The following PPP1R21 variants were observed in gnomAD, a reference collection of about 807,000 sequenced individuals.
The protein encoded by PPP1R21 is protein phosphatase 1 regulatory subunit 21, also known as KLRAQ motif containing 1.
PPP1R21 carries 85 observed loss-of-function variants against 112.8 expected under a neutral mutation model. The observed-to-expected ratio is 0.75, with a 90% confidence interval of 0.63 to 0.90. The LOEUF (loss-of-function observed/expected upper bound fraction) is 0.90. Among genes scored for constraint, PPP1R21 ranks in the 40% least tolerant of loss-of-function variants. The probability of loss-of-function intolerance (pLI) is 0.00; values close to 1 mark genes in which losing one functional copy is unlikely to be tolerated. For synonymous variants in PPP1R21, 381 were observed against 322.3 expected (o/e 1.18, Z -1.95); for missense variants, 1,199 against 901.5 (o/e 1.33, Z -4.23).
intron 3 of PPP1R21, among the ~76,000 whole-genome samples, chr2:48,455,467 G>A (rs932728319): frequency 2.0e-5 from 3 of 151,872 alleles, no homozygotes; most frequent in Non-Finnish European, 2.9e-5. Flanking sequence ...TTAATGTTCC[G>A]TTGTTACACC....
chr2:48,464,574 T>G (rs1668117432), intron 7 of PPP1R21, among the ~76,000 whole-genome samples: 1 of 152,210 alleles, frequency 6.6e-6, no homozygotes, highest in African/African-American at 2.4e-5. Flanking sequence ...TTTTGCTGAT[T>G]AGCGTGGCGG....
rs1000479169 is a variant in PPP1R21, at chr2:48,440,779, C to G, written c.-175C>G. 8.1e-6 allele frequency: 5 copies of G among 615,746 alleles called. No homozygotes were observed. Among genetic ancestry groups the G allele is most frequent in the Non-Finnish European group, 1.2e-5 (4 of 347,174 alleles). 38.1% of individuals were successfully genotyped at this position (615,746 alleles called of 1,614,324 possible). On this transcript the variant is annotated 5_prime_UTR_variant, in exon 1 of 22. Transcript: ENST00000294952. ...GCCCCCGGCCCCACTCCACCTTCCT[C>G]CCACCCCGGGAACCCGGAAGTGGAG... is the stretch of plus-strand genomic sequence containing the variant.
intron 9 of PPP1R21, among the ~76,000 whole-genome samples, chr2:48,465,894 GAA>G (rs1668178943): frequency 6.6e-6 from 1 of 152,196 alleles, no homozygotes; most frequent in Non-Finnish European, 1.5e-5. Flanking sequence ...ATTTACAAAA[GAA>G]AGAGGTTTAT....
chr2:48,489,539 C>A (rs1033920585), intron 14 of PPP1R21, among the ~76,000 whole-genome samples: 1 of 151,270 alleles, frequency 6.6e-6, no homozygotes, highest in East Asian at 2.0e-4. Flanking sequence ...TGAGGTCTTG[C>A]CATATCGCCC....
In PPP1R21 at chr2:48,486,713, C is replaced by T. The variant is rs777016569; in HGVS notation, c.1401C>T (p.Asp467=). The T allele has an allele frequency of 2.5e-6, 4 of 1,613,930 alleles. No individual in the cohort carries two copies. Among genetic ancestry groups the T allele is most frequent in the Non-Finnish European group, 2.5e-6 (3 of 1,179,896 alleles). The part of the protein sequence containing the change: ...TATQKLITTN[D]CILSSVVALT... ...CACAGAAGCTGATAACAACTAATGA[C>T]TGTATCCTGTCATCAGTAGTGGCAT... is the stretch of plus-strand genomic sequence containing the variant. Residue 467 remains aspartate, a synonymous_variant, in exon 14 of 22, where the codon GAC becomes GAT. Coordinates refer to ENST00000294952, the MANE Select transcript of PPP1R21 (RefSeq NM_001135629.3).
chr2:48,446,140 G>A (rs1667235103), intron 1 of PPP1R21, among the ~76,000 whole-genome samples: 1 of 152,230 alleles, frequency 6.6e-6, no homozygotes, highest in Non-Finnish European at 1.5e-5. Flanking sequence ...CCATGTAAAA[G>A]TGGTTCTAAC....
chr2:48,445,206 G>A (rs959636377), intron 1 of PPP1R21, among the ~76,000 whole-genome samples: 1 of 146,316 alleles, frequency 6.8e-6, no homozygotes, highest in Non-Finnish European at 1.5e-5. Context: ...TTGGAAAACA[G>A]GTTTGTGTTC....
chr2:48,486,508 AC>A (rs1259233370), intron 13 of PPP1R21, 122 bp from the exon 14 acceptor site: 4 of 712,806 alleles, frequency 5.6e-6, no homozygotes, highest in Non-Finnish European at 7.0e-6. Flanking sequence ...GACACTTGAG[AC>A]CATTCTTTGT....
chr2:48,471,470 CT>C (rs1668493572), intron 11 of PPP1R21, 103 bp downstream of exon 11: 1 of 1,144,848 alleles, frequency 8.7e-7, no homozygotes, highest in Non-Finnish European at 1.2e-6. Flanking sequence ...ATCTGCCTGA[CT>C]TTTCTGCTTC....
At chr2:48,514,568 T>C in intron 21 of PPP1R21, 147 bp from the exon 22 acceptor site, 2 of 687,306 alleles carry the variant, frequency 2.9e-6, no homozygotes, top group Non-Finnish European at 5.2e-6. Flanking sequence ...GAATAAAAGT[T>C]AACAATGCAA....
In PPP1R21 at chr2:48,514,831, T is replaced by C; in HGVS notation, c.*87T>C. On this transcript the variant is annotated 3_prime_UTR_variant, in exon 22 of 22. Transcript: ENST00000294952. ...GGGCTGAGACCACGTCCATGCTGGCTGCCTTCAGGAAGCTAAAGTATTGTT... is the reference window on the plus strand; with the variant it reads ...GGGCTGAGACCACGTCCATGCTGGCCGCCTTCAGGAAGCTAAAGTATTGTT... The C allele has an allele frequency of 1.6e-5, 22 of 1,377,660 alleles. 1 individual carries two copies. The South Asian group carries it at 2.4e-4, about 15-fold the overall frequency. 85.3% of individuals were successfully genotyped at this position (1,377,660 alleles called of 1,614,324 possible). A position where few individuals can be genotyped will look rare whatever the true frequency, so the allele number is the denominator to read the frequency against.
In PPP1R21 at chr2:48,514,835, T is replaced by C. The variant is rs147789260; in HGVS notation, c.*91T>C. ...TGAGACCACGTCCATGCTGGCTGCC[T>C]TCAGGAAGCTAAAGTATTGTTGGAC... On this transcript the variant is annotated 3_prime_UTR_variant, in exon 22 of 22. Transcript: ENST00000294952. 3.0e-5 allele frequency: 39 copies of C among 1,292,762 alleles called. No homozygotes were observed. Among genetic ancestry groups the C allele is most frequent in the East Asian group, 2.8e-4 (12 of 43,348 alleles). The allele number at this position is 1,292,762 out of a possible 1,614,324, so 80.1% of individuals were successfully genotyped here. A position where few individuals can be genotyped will look rare whatever the true frequency, so the allele number is the denominator to read the frequency against.
At chr2:48,484,291 G>T (rs764150270) in intron 13 of PPP1R21, among the ~76,000 whole-genome samples, 2 of 152,098 alleles carry the variant, frequency 1.3e-5, no homozygotes, top group Non-Finnish European at 2.9e-5. Context: ...TCAGCATTTG[G>T]GGGTCGTGTT....
chr2:48,456,478 G>T (rs1667730323), intron 3 of PPP1R21, among the ~76,000 whole-genome samples: 1 of 152,088 alleles, frequency 6.6e-6, no homozygotes, highest in African/African-American at 2.4e-5. Context: ...ATAAATCTGT[G>T]ACTTTCGGCA....
intron 14 of PPP1R21, among the ~76,000 whole-genome samples, chr2:48,487,773 A>AG (rs1669376363): frequency 3.3e-5 from 5 of 152,070 alleles, no homozygotes; most frequent in Admixed American, 3.3e-4. Context: ...AAAAAAAAAA[A>AG]AAAAAGAATG....
At chr2:48,485,601 T>C (rs1318559247) in intron 13 of PPP1R21, among the ~76,000 whole-genome samples, 1 of 151,828 alleles carries the variant, frequency 6.6e-6, no homozygotes, top group African/African-American at 2.4e-5. Flanking sequence ...ATATTAATAA[T>C]TTTTAAATTC....
intron 14 of PPP1R21, among the ~76,000 whole-genome samples, chr2:48,487,915 G>A (rs1669384072): frequency 6.6e-6 from 1 of 152,122 alleles, no homozygotes; most frequent in South Asian, 2.1e-4. Flanking sequence ...CAAAAGGACT[G>A]TATTCAGAAC....
chr2:48,493,085 C>T (rs930157399), intron 15 of PPP1R21, among the ~76,000 whole-genome samples: 21 of 137,292 alleles, frequency 1.5e-4, no homozygotes, highest in African/African-American at 3.6e-4. Context: ...GGCATGATCT[C>T]GGCTCCGCCT....
At chr2:48,450,856 C>T (rs1667440202) in intron 1 of PPP1R21, 152 bp from the exon 2 acceptor site, 2 of 561,184 alleles carry the variant, frequency 3.6e-6, no homozygotes, top group Admixed American at 6.2e-5. Context: ...TTATCTACTA[C>T]CCTCTTTGGG....
Sources: allele counts gnomAD v4.1 joint callset (sites outside exome capture counted in the v4.1 genomes callset), GRCh38; gene constraint gnomAD v4.1.1; transcripts MANE v1.5; gene names NCBI Gene and HGNC (gene_info 2026-07-23, HGNC 2026-07-21).